The following DNAH5 variants were observed in gnomAD, a reference collection of about 807,000 sequenced individuals.
DNAH5 encodes dynein axonemal heavy chain 5.
Under a neutral mutation model 518.2 loss-of-function variants are expected in DNAH5, and 372 were observed. That is an observed-to-expected ratio of 0.72 (90% CI 0.66 to 0.78). DNAH5 has a LOEUF of 0.78. Ranked by LOEUF, DNAH5 falls within the 30% of genes least tolerant of loss-of-function variation. The probability of loss-of-function intolerance (pLI) is 0.00; values close to 1 mark genes in which losing one functional copy is unlikely to be tolerated. For synonymous variants in DNAH5, 2,039 were observed against 2,025.9 expected (o/e 1.01, Z -0.17); for missense variants, 5,523 against 5,687.0 (o/e 0.97, Z 0.93).
chr5:13,721,245 C>G lies in DNAH5; in HGVS notation c.12034G>C (p.Ala4012Pro), dbSNP rs747828322. 1.9e-6 allele frequency: 3 copies of G among 1,614,056 alleles called. No individual in the cohort carries two copies. Among genetic ancestry groups the G allele is most frequent in the Non-Finnish European group, 2.5e-6 (3 of 1,179,946 alleles). Residue 4012 changes from alanine to proline, a missense_variant and splice_region_variant, in exon 71 of 79, where the codon GCC becomes CCC. Ala to Pro is a conservative substitution (Grantham distance 27). Around this residue, in one of 3 missense-constraint regions of DNAH5, gnomAD observed 5,121 missense variants for 5,223.3 expected, o/e 0.98. Coordinates refer to ENST00000265104, the MANE Select transcript of DNAH5 (RefSeq NM_001369.3). The part of the protein sequence containing the change: ...SWCPDRTIAQ[A>P]RKYIVDSMGE... ...ATGGAGTCCACGATGTACTTGCGGG[C>G]CTGCCAAAAACAGTATACAAGTCAG...
At chr5:13,910,100 G>A (rs1775809929) in intron 12 of DNAH5, among the ~76,000 whole-genome samples, 1 of 152,156 alleles carries the variant, frequency 6.6e-6, no homozygotes, top group African/African-American at 2.4e-5. Flanking sequence ...CCTTATGTCT[G>A]AATCTGCCCC....
At chr5:13,898,396 C>A in intron 15 of DNAH5, 1 of 396,488 alleles carries the variant, frequency 2.5e-6, no homozygotes, top group Non-Finnish European at 4.4e-6. Context: ...TGTAAATTGA[C>A]TAAGTGAGTT....
chr5:13,770,299 C>T (rs1406047670), intron 56 of DNAH5, among the ~76,000 whole-genome samples: 1 of 152,118 alleles, frequency 6.6e-6, no homozygotes, highest in African/African-American at 2.4e-5. Context: ...TGGCTTTTCC[C>T]TCTCAGTCAC....
At chr5:13,996,203 T>C (rs1421288257) in intron 1 of DNAH5, among the ~76,000 whole-genome samples, 1 of 152,158 alleles carries the variant, frequency 6.6e-6, no homozygotes, top group Non-Finnish European at 1.5e-5. Context: ...CTCCACAGGG[T>C]AGTTTCGCTT....
chr5:13,886,049 C>T lies in DNAH5; in HGVS notation c.2658G>A (p.Met886Ile), dbSNP rs1300674256. The T allele has an allele frequency of 1.9e-6, 3 of 1,608,688 alleles. No homozygotes were observed. Among genetic ancestry groups the T allele is most frequent in the South Asian group, 1.1e-5 (1 of 90,948 alleles). ...VEEAVNELVN[M>I]LLDVEVLSEE... ...CAGATAAAACTTCCACATCCAGCAA[C>T]ATATTTACAAGCTCATTGACTGCCT... is the stretch of plus-strand genomic sequence containing the variant. The change falls in exon 18 of 79, where the codon ATG becomes ATA. Residue 886 changes from methionine (M) to isoleucine (I), a missense_variant. By Grantham distance (10) the Met-to-Ile change is conservative (BLOSUM62 1). Coordinates refer to ENST00000265104, the MANE Select transcript of DNAH5 (RefSeq NM_001369.3).
intron 17 of DNAH5, among the ~76,000 whole-genome samples, chr5:13,890,456 A>G (rs1244646557): frequency 6.6e-6 from 1 of 151,200 alleles, no homozygotes; most frequent in African/African-American, 2.4e-5. Context: ...CCTTTATCTT[A>G]ACATGTTAAA....
intron 69 of DNAH5, among the ~76,000 whole-genome samples, chr5:13,728,559 C>G (rs576769615): frequency 1.3e-5 from 2 of 152,232 alleles, no homozygotes; most frequent in Admixed American, 1.3e-4. Flanking sequence ...CTAGGCAAGG[C>G]CACTGGGGGT....
At chr5:13,774,830 A>T (rs1753845084) in intron 55 of DNAH5, among the ~76,000 whole-genome samples, 1 of 152,202 alleles carries the variant, frequency 6.6e-6, no homozygotes, top group Middle Eastern at 3.2e-3. Flanking sequence ...AGATGACTGA[A>T]ATAGGAACTT....
At chr5:13,872,093 A>G (rs1329547823) in intron 22 of DNAH5, among the ~76,000 whole-genome samples, 1 of 152,156 alleles carries the variant, frequency 6.6e-6, no homozygotes, top group Non-Finnish European at 1.5e-5. Context: ...GCTCAAGCTC[A>G]CACTACAGGG....
At chr5:13,760,821 G>A (rs1751668245) in intron 60 of DNAH5, among the ~76,000 whole-genome samples, 1 of 152,160 alleles carries the variant, frequency 6.6e-6, no homozygotes, top group Non-Finnish European at 1.5e-5. Context: ...CAGGAAGAAG[G>A]GAAGTTAAAG....
rs1169188404 is a variant in DNAH5, at chr5:13,850,406, G to T, written c.5114+246C>A. ...TTTTTTAAAGCAGGGACTGTATGAG[G>T]ATGTTTATACAGTCTTATCCCAGTG... On this transcript the variant is annotated intron_variant, in intron 31 of 78. Coordinates refer to ENST00000265104, the MANE Select transcript of DNAH5 (RefSeq NM_001369.3). Among the ~76,000 whole-genome samples the T allele has an allele frequency of 2.6e-5, 4 of 152,196 alleles. No homozygotes were observed. In the East Asian group the frequency reaches 7.7e-4, roughly 29 times the overall value.
chr5:13,884,373 G>A (rs1421701440), intron 19 of DNAH5, among the ~76,000 whole-genome samples: 2 of 151,888 alleles, frequency 1.3e-5, no homozygotes, highest in East Asian at 1.9e-4. Flanking sequence ...AAGATTAAAC[G>A]TACTACCAAT....
At chr5:13,709,421 G>A (rs550180757) in intron 75 of DNAH5, among the ~76,000 whole-genome samples, 2 of 151,800 alleles carry the variant, frequency 1.3e-5, no homozygotes, top group South Asian at 4.2e-4. Context: ...ATTTGTGAGT[G>A]CATATGTAAT....
intron 61 of DNAH5, among the ~76,000 whole-genome samples, chr5:13,756,820 C>T (rs962964824): frequency 7.9e-5 from 12 of 152,062 alleles, no homozygotes; most frequent in African/African-American, 2.9e-4. Flanking sequence ...AAGCCTAGTA[C>T]TTGTCAGTTA....
chr5:13,885,542 C>T (rs1282014599), intron 18 of DNAH5, among the ~76,000 whole-genome samples: 1 of 152,166 alleles, frequency 6.6e-6, no homozygotes, highest in East Asian at 1.9e-4. Context: ...CTACCTCCCA[C>T]CAATAACCCT....
Position 13,867,831 on chromosome 5 carries a change from A to C in DNAH5, c.3996T>G (p.Ile1332Met). 6.2e-7 allele frequency: 1 copy of C among 1,614,060 alleles called. No individual in the cohort carries two copies. The highest frequency in any genetic ancestry group is 8.5e-7 in the Non-Finnish European group (1 of 1,179,970). ...SLQPSFKKEL[I>M]SAVEVFLQDC... is the part of the protein sequence containing the mutation. Reference sequence around the variant, plus strand: ...CTTGGAGGAATACCTCCACAGCACTAATAAGCTCTTTCTTGAAACTGGGCT... The same window carrying C: ...CTTGGAGGAATACCTCCACAGCACTCATAAGCTCTTTCTTGAAACTGGGCT... Residue 1332 changes from isoleucine (I) to methionine (M), a missense_variant, in exon 25 of 79, where the codon ATT becomes ATG. By Grantham distance (10) the Ile-to-Met change is conservative. Around this residue, in one of 3 missense-constraint regions of DNAH5, gnomAD observed 5,121 missense variants for 5,223.3 expected, o/e 0.98. Transcript: ENST00000265104.
At chr5:13,847,954 T>C (rs76390941) in intron 31 of DNAH5, among the ~76,000 whole-genome samples, 1,641 of 152,256 alleles carry the variant, frequency 0.011, 35 homozygotes, top group African/African-American at 0.037. Flanking sequence ...TTGAAGAACC[T>C]CCAGAGCAGG....
intron 1 of DNAH5, among the ~76,000 whole-genome samples, chr5:14,004,640 T>C (rs1191594021): frequency 6.6e-6 from 1 of 152,238 alleles, no homozygotes; most frequent in Non-Finnish European, 1.5e-5. Context: ...ATTTTCATCA[T>C]TGAAATGAAA....
intron 43 of DNAH5, among the ~76,000 whole-genome samples, chr5:13,813,420 C>T (rs1200222486): frequency 3.0e-4 from 44 of 145,522 alleles, no homozygotes; most frequent in African/African-American, 1.0e-3. Flanking sequence ...GTTTCCAAGC[C>T]TGGCTATGTG....
Sources: allele counts gnomAD v4.1 joint callset (sites outside exome capture counted in the v4.1 genomes callset), GRCh38; gene constraint gnomAD v4.1.1; regional missense constraint gnomAD v4.1.1; transcripts MANE v1.5; gene names NCBI Gene and HGNC (gene_info 2026-07-23, HGNC 2026-07-21).